Variants in PDE10A observed in about 807,000 individuals in gnomAD.
PDE10A encodes the protein phosphodiesterase 10A.
Under a neutral mutation model 97.7 loss-of-function variants are expected in PDE10A, and 39 were observed. The observed-to-expected ratio is 0.40, with a 90% CI of 0.31 to 0.52. The LOEUF is 0.52. Ranked by LOEUF, PDE10A falls within the 20% of genes least tolerant of loss-of-function variation. PDE10A has a pLI of 0.56. For missense variants in PDE10A, 731 were observed against 1,047.8 expected (o/e 0.70, Z 4.17); for synonymous variants, 371 against 376.8 (o/e 0.98, Z 0.18).
chr6:165,581,817 T>G (rs1473478809), intron 1 of PDE10A, among the ~76,000 whole-genome samples: 1 of 152,166 alleles, frequency 6.6e-6, no homozygotes, highest in Non-Finnish European at 1.5e-5. Flanking sequence ...CCTAAACTGA[T>G]CTCATATTTA....
intron 1 of PDE10A, among the ~76,000 whole-genome samples, chr6:165,641,705 G>A (rs893015788): frequency 6.6e-6 from 1 of 152,192 alleles, no homozygotes; most frequent in Non-Finnish European, 1.5e-5. Flanking sequence ...CTCCCTCACT[G>A]CACCCACCGT....
intron 1 of PDE10A, among the ~76,000 whole-genome samples, chr6:165,788,668 T>C (rs1475128293): frequency 6.6e-6 from 1 of 152,182 alleles, no homozygotes; most frequent in Non-Finnish European, 1.5e-5. Context: ...CATTATCCTG[T>C]CCTCATCCTT....
At position 165,795,573 on chromosome 6, in the gene PDE10A, AAAAC is replaced by A. The variant is rs574196141; in HGVS notation, c.-615+191952_-615+191955del. Among the ~76,000 whole-genome samples, 204 of 151,698 alleles carry A rather than the reference AAAAC, an allele frequency of 1.3e-3. 1 individual carries two copies. Among genetic ancestry groups the A allele is most frequent in the Middle Eastern group, 3.4e-3 (1 of 294 alleles). On this transcript the variant is annotated intron_variant, in intron 1 of 19. Coordinates refer to the PDE10A transcript ENST00000366882. Reference sequence around the variant, plus strand: ...AAACCCCGTCTCTACTAAAAATACAAAAACAAACAAACAAACAAACAAACAAAAA... The same window carrying A: ...AAACCCCGTCTCTACTAAAAATACAAAAACAAACAAACAAACAAACAAAAA...
At chr6:165,929,921 G>C (rs907926832) in intron 1 of PDE10A, among the ~76,000 whole-genome samples, 3 of 151,686 alleles carry the variant, frequency 2.0e-5, no homozygotes, top group Non-Finnish European at 4.4e-5. Flanking sequence ...CTCCAGGTGT[G>C]AGGGTGGCAG....
intron 1 of PDE10A, among the ~76,000 whole-genome samples, chr6:165,552,533 C>G (rs762426461): frequency 6.6e-6 from 1 of 152,146 alleles, no homozygotes; most frequent in Non-Finnish European, 1.5e-5. Context: ...TGTACCTGAC[C>G]AACCCCCAAT....
intron 2 of PDE10A, among the ~76,000 whole-genome samples, chr6:165,510,163 A>G (rs1781428843): frequency 6.6e-6 from 1 of 152,074 alleles, no homozygotes; most frequent in Non-Finnish European, 1.5e-5. Flanking sequence ...CAGGTCTTAC[A>G]TGAAATGCTT....
intron 1 of PDE10A, among the ~76,000 whole-genome samples, chr6:165,807,212 A>G (rs903578194): frequency 2.0e-5 from 3 of 148,212 alleles, no homozygotes; most frequent in Non-Finnish European, 2.9e-5. Flanking sequence ...ACTCCACAGT[A>G]TTCATAAGTC....
intron 1 of PDE10A, among the ~76,000 whole-genome samples, chr6:165,951,293 G>GT (rs1220013202): frequency 6.6e-6 from 1 of 152,092 alleles, no homozygotes; most frequent in African/African-American, 2.4e-5. Context: ...TTCTTCTTGA[G>GT]TATTACCTGT....
chr6:165,557,753 T>C (rs982519488), intron 1 of PDE10A, among the ~76,000 whole-genome samples: 3 of 152,200 alleles, frequency 2.0e-5, no homozygotes, highest in Non-Finnish European at 1.5e-5. Context: ...TGCAATGTAA[T>C]TCATTTAAAA....
At chr6:165,710,398 G>C (rs1051663705) in intron 1 of PDE10A, among the ~76,000 whole-genome samples, 5 of 152,204 alleles carry the variant, frequency 3.3e-5, no homozygotes, top group African/African-American at 1.2e-4. Context: ...CACTGGCCAA[G>C]TGCAAAGTCC....
intron 1 of PDE10A, among the ~76,000 whole-genome samples, chr6:165,618,697 T>A (rs2983498): frequency 0.3 from 45,957 of 151,966 alleles, 8,027 homozygotes; most frequent in African/African-American, 0.49. Flanking sequence ...TCTCGTCCTC[T>A]CTCCTGTCCC....
chr6:165,968,495 C>T (rs770663185), intron 1 of PDE10A, among the ~76,000 whole-genome samples: 11 of 152,162 alleles, frequency 7.2e-5, no homozygotes, highest in Non-Finnish European at 1.5e-4. Flanking sequence ...TTTCAACACG[C>T]TAATTTTCTT....
chr6:165,808,183 C>A (rs1488513332), intron 1 of PDE10A, among the ~76,000 whole-genome samples: 2 of 152,204 alleles, frequency 1.3e-5, no homozygotes, highest in Non-Finnish European at 2.9e-5. Flanking sequence ...AGAAAGTATT[C>A]ATCTCAGATC....
intron 4 of PDE10A, among the ~76,000 whole-genome samples, chr6:165,449,999 A>C (rs1791169469): frequency 1.3e-5 from 2 of 152,230 alleles, no homozygotes; most frequent in African/African-American, 4.8e-5. Flanking sequence ...TGTTAATTAG[A>C]AGGCATAGTA....
intron 1 of PDE10A, among the ~76,000 whole-genome samples, chr6:165,800,348 A>G (rs1039903687): frequency 1.1e-4 from 17 of 152,176 alleles, no homozygotes; most frequent in Non-Finnish European, 1.6e-4. Flanking sequence ...GGTGTAAGGA[A>G]ATTGGGAATT....
chr6:165,548,276 C>CTTTT (rs57134252), intron 1 of PDE10A, among the ~76,000 whole-genome samples: 2 of 105,664 alleles, frequency 1.9e-5, no homozygotes, highest in African/African-American at 7.5e-5. Flanking sequence ...CTTTAAATCT[C>CTTTT]TTTTTTTTTT....
At chr6:165,891,057 G>A (rs1251946607) in intron 1 of PDE10A, among the ~76,000 whole-genome samples, 2 of 152,174 alleles carry the variant, frequency 1.3e-5, no homozygotes, top group African/African-American at 2.4e-5. Context: ...GAGATTGGTG[G>A]TTGAAGCCCG....
intron 1 of PDE10A, among the ~76,000 whole-genome samples, chr6:165,910,375 C>T (rs1004983374): frequency 5.3e-5 from 8 of 152,164 alleles, no homozygotes; most frequent in Admixed American, 5.2e-4. Context: ...GTTGTGATGG[C>T]TCATCAGATA....
chr6:165,378,373 A>T (rs1784743128), intron 18 of PDE10A, among the ~76,000 whole-genome samples: 1 of 152,224 alleles, frequency 6.6e-6, no homozygotes, highest in Admixed American at 6.5e-5. Context: ...CTAGGGATAA[A>T]GATGTCCTCA....
Sources: gnomAD v4.1 joint callset for allele counts (sites outside exome capture counted in the v4.1 genomes callset) on GRCh38, gnomAD v4.1.1 for gene constraint, MANE v1.5 for transcripts, NCBI Gene and HGNC (gene_info 2026-07-23, HGNC 2026-07-21) for gene names.